FBXL17: variants seen among roughly 807,000 people sequenced by gnomAD.
FBXL17 encodes F-box/LRR-repeat protein 17.
A neutral mutation model predicts 66.2 loss-of-function variants in FBXL17; 22 were observed. The observed-to-expected ratio is 0.33, with a 90% CI of 0.24 to 0.47. The LOEUF is 0.47. Ranked by LOEUF, FBXL17 falls within the 20% of genes least tolerant of loss-of-function variation. The probability of loss-of-function intolerance (pLI) is 1.00; values close to 1 mark genes in which losing one functional copy is unlikely to be tolerated. For missense variants in FBXL17, 878 were observed against 948.2 expected (o/e 0.93, Z 0.97); for synonymous variants, 474 against 400.5 (o/e 1.18, Z -2.19).
At chr5:107,951,729 A>G (rs2112608900) in intron 7 of FBXL17, among the ~76,000 whole-genome samples, 1 of 152,314 alleles carries the variant, frequency 6.6e-6, no homozygotes, top group South Asian at 2.1e-4. Context: ...TTCTCTCTCC[A>G]AGAATGAAAA....
chr5:108,123,924 T>C (rs1197732290), intron 6 of FBXL17, among the ~76,000 whole-genome samples: 2 of 152,154 alleles, frequency 1.3e-5, no homozygotes, highest in Non-Finnish European at 1.5e-5. Context: ...CTGAGAGTTC[T>C]TCTCTTGATC....
At chr5:108,286,438 CA>C (rs1757904251) in intron 4 of FBXL17, among the ~76,000 whole-genome samples, 1 of 151,982 alleles carries the variant, frequency 6.6e-6, no homozygotes, top group Non-Finnish European at 1.5e-5. Flanking sequence ...ACAACTTGAG[CA>C]AAGTTTCAGG....
At chr5:108,049,773 A>G (rs191900657) in intron 6 of FBXL17, among the ~76,000 whole-genome samples, 2 of 152,242 alleles carry the variant, frequency 1.3e-5, no homozygotes, top group Non-Finnish European at 2.9e-5. Flanking sequence ...AAATGCTCCA[A>G]TTAAAAGACA....
chr5:108,128,071 C>A (rs1413473967), intron 6 of FBXL17, among the ~76,000 whole-genome samples: 1 of 151,854 alleles, frequency 6.6e-6, no homozygotes, highest in Non-Finnish European at 1.5e-5. Context: ...CAAGGTGAAA[C>A]CATGTCTCTA....
At chr5:107,898,404 C>G (rs1018405430) in intron 7 of FBXL17, among the ~76,000 whole-genome samples, 2 of 152,046 alleles carry the variant, frequency 1.3e-5, no homozygotes, top group African/African-American at 2.4e-5. Flanking sequence ...TAAGCCTACT[C>G]AATGTGAAGA....
At chr5:108,201,090 G>A (rs1052297545) in intron 5 of FBXL17, among the ~76,000 whole-genome samples, 86 of 152,166 alleles carry the variant, frequency 5.7e-4, no homozygotes, top group Middle Eastern at 6.8e-3. Context: ...TAATAACAGG[G>A]AATTACTATG....
chr5:108,254,768 C>A (rs1415045497), intron 4 of FBXL17, among the ~76,000 whole-genome samples: 1 of 152,140 alleles, frequency 6.6e-6, no homozygotes, highest in East Asian at 1.9e-4. Context: ...AAACAAAGGA[C>A]AGCCCTACCC....
chr5:108,357,655 A>T (rs1222704874), intron 3 of FBXL17, among the ~76,000 whole-genome samples: 2 of 152,078 alleles, frequency 1.3e-5, no homozygotes, highest in Non-Finnish European at 2.9e-5. Context: ...CAATAGAAAT[A>T]AAATAAAAAT....
At chr5:108,180,702 A>G (rs942870137) in intron 6 of FBXL17, among the ~76,000 whole-genome samples, 1 of 152,188 alleles carries the variant, frequency 6.6e-6, no homozygotes, top group African/African-American at 2.4e-5. Flanking sequence ...AGATTCACAC[A>G]GCAAATCATG....
intron 4 of FBXL17, among the ~76,000 whole-genome samples, chr5:108,329,660 T>C (rs868512730): frequency 5.3e-5 from 8 of 152,266 alleles, no homozygotes; most frequent in Middle Eastern, 6.8e-3. Context: ...GAACAAGTCA[T>C]TGTAATGAGT....
At chr5:108,009,306 T>TAG (rs1406891938) in intron 7 of FBXL17, among the ~76,000 whole-genome samples, 1 of 17,442 alleles carries the variant, frequency 5.7e-5, no homozygotes, top group African/African-American at 2.5e-4. Context: ...TATATACATA[T>TAG]ATACATACAC....
At chr5:108,316,124 T>C (rs1397812488) in intron 4 of FBXL17, among the ~76,000 whole-genome samples, 7 of 151,390 alleles carry the variant, frequency 4.6e-5, no homozygotes, top group Admixed American at 4.6e-4. Flanking sequence ...TGAAAAACTG[T>C]ATATTATGAA....
chr5:107,962,858 G>C (rs7735846), intron 7 of FBXL17, among the ~76,000 whole-genome samples: 43,598 of 151,514 alleles, frequency 0.29, 6,454 homozygotes, highest in Middle Eastern at 0.35. Context: ...TTGTAGATGT[G>C]CCCAAATTTG....
rs968314675 is a variant in FBXL17, at chr5:108,155,222, A to C, written c.1745+30895T>G. Among the ~76,000 whole-genome samples, 4 of 152,314 alleles carry C rather than the reference A, an allele frequency of 2.6e-5. No individual in the cohort carries two copies. In the East Asian group the frequency reaches 5.8e-4, roughly 22 times the overall value. On this transcript the variant is annotated intron_variant, in intron 6 of 8. Coordinates refer to ENST00000542267, the MANE Select transcript of FBXL17 (RefSeq NM_001163315.3). Reference sequence around the variant, plus strand: ...TGTTTGTGGTTTCCGATGAGAGATTAATACAAATTTTAGGCTGGGCGCGGT... The same window carrying C: ...TGTTTGTGGTTTCCGATGAGAGATTCATACAAATTTTAGGCTGGGCGCGGT...
chr5:107,927,773 C>T (rs1320356199), intron 7 of FBXL17, among the ~76,000 whole-genome samples: 2 of 152,084 alleles, frequency 1.3e-5, no homozygotes, highest in Non-Finnish European at 2.9e-5. Flanking sequence ...TAAGTTGACA[C>T]TCAACCAACT....
chr5:108,206,420 A>C (rs758466229), intron 5 of FBXL17, among the ~76,000 whole-genome samples: 37 of 152,160 alleles, frequency 2.4e-4, no homozygotes, highest in Non-Finnish European at 2.1e-4. Context: ...TACATATTTA[A>C]AATGTATAAT....
chr5:107,929,715 G>A (rs993353215), intron 7 of FBXL17, among the ~76,000 whole-genome samples: 4 of 151,982 alleles, frequency 2.6e-5, no homozygotes, highest in Admixed American at 6.6e-5. Context: ...AGATCTCTGT[G>A]GGAGGAATCA....
chr5:107,964,744 C>A (rs986286916), intron 7 of FBXL17, among the ~76,000 whole-genome samples: 1 of 152,094 alleles, frequency 6.6e-6, no homozygotes, highest in Admixed American at 6.6e-5. Context: ...ATACAAATCA[C>A]AACTATATAG....
At chr5:108,279,999 A>T (rs980414484) in intron 4 of FBXL17, among the ~76,000 whole-genome samples, 1 of 152,102 alleles carries the variant, frequency 6.6e-6, no homozygotes, top group Non-Finnish European at 1.5e-5. Context: ...GAACTTATGA[A>T]TTATTGGAAT....
Sources: allele counts gnomAD v4.1 joint callset (sites outside exome capture counted in the v4.1 genomes callset), GRCh38; gene constraint gnomAD v4.1.1; transcripts MANE v1.5; gene names NCBI Gene and HGNC (gene_info 2026-07-23, HGNC 2026-07-21).